SLC18A2: variants seen among roughly 807,000 people sequenced by gnomAD.
SLC18A2 encodes synaptic vesicular amine transporter.
SLC18A2 carries 33 observed loss-of-function variants against 59.2 expected under a neutral mutation model. The ratio of observed to expected loss-of-function variants is 0.56; its 90% confidence interval spans 0.42 to 0.75. The LOEUF is 0.75. Ranked by LOEUF, SLC18A2 falls within the 30% of genes least tolerant of loss-of-function variation. The pLI is 0.00. For synonymous variants in SLC18A2, 228 were observed against 253.5 expected, an observed-to-expected ratio of 0.90 and a Z score of 0.95; for missense variants, 569 against 668.6, an observed-to-expected ratio of 0.85 and a Z score of 1.64.
intron 9 of SLC18A2, among the ~76,000 whole-genome samples, chr10:117,256,650 G>A (rs777057138): frequency 6.6e-6 from 1 of 152,186 alleles, no homozygotes; most frequent in South Asian, 2.1e-4. Context: ...CCAAGACCCT[G>A]TCTATCATGC....
At chr10:117,267,452 G>A (rs1466043040) in intron 12 of SLC18A2, 6 of 455,510 alleles carry the variant, frequency 1.3e-5, no homozygotes, top group Admixed American at 3.4e-5. Context: ...CACATATGCC[G>A]GTGACAAGTT....
intron 9 of SLC18A2, among the ~76,000 whole-genome samples, chr10:117,255,871 T>C (rs1417340230): frequency 2.0e-5 from 3 of 152,140 alleles, no homozygotes; most frequent in African/African-American, 7.2e-5. Context: ...TTTGTCTCAT[T>C]TGGGGAAAAT....
At chr10:117,276,504 C>CT (rs1844492883) in intron 15 of SLC18A2, among the ~76,000 whole-genome samples, 1 of 146,894 alleles carries the variant, frequency 6.8e-6, no homozygotes, top group Admixed American at 7.0e-5. Context: ...ATATCAGCTA[C>CT]TTGGGAGGCT....
At chr10:117,243,874 C>T in intron 2 of SLC18A2, 97 bp from the exon 3 acceptor site, 1 of 980,514 alleles carries the variant, frequency 1.0e-6, no homozygotes, top group Non-Finnish European at 1.5e-6. Flanking sequence ...GTGTGAGCCA[C>T]TGCTCCCTGC....
At chr10:117,251,306 G>C (rs1844159713) in intron 3 of SLC18A2, among the ~76,000 whole-genome samples, 1 of 152,184 alleles carries the variant, frequency 6.6e-6, no homozygotes, top group Non-Finnish European at 1.5e-5. Flanking sequence ...TCTCCTCTCT[G>C]AGCCTCCTGG....
intron 10 of SLC18A2, among the ~76,000 whole-genome samples, chr10:117,265,636 A>G (rs928917590): frequency 6.6e-6 from 1 of 152,176 alleles, no homozygotes; most frequent in African/African-American, 2.4e-5. Flanking sequence ...GCTGATGTGG[A>G]CAATTCCCCT....
intron 10 of SLC18A2, among the ~76,000 whole-genome samples, chr10:117,259,280 T>C (rs1337490845): frequency 1.3e-5 from 2 of 152,254 alleles, no homozygotes; most frequent in African/African-American, 2.4e-5. Context: ...TGTTTATGAA[T>C]ATATCCACCA....
rs1344767828 is a variant in SLC18A2, at chr10:117,255,624, C to T, written c.862C>T (p.Leu288=). The part of the protein sequence containing the change: ...ESQKGTPLTT[L]LKDPYILIAA... ...TCAGAAGGGGACACCCCTAACCACG[C>T]TGCTGAAGGACCCGTACATCCTCAT... The change falls in exon 9 of 16, where the codon CTG becomes TTG. Residue 288 remains leucine (L), a synonymous_variant. Coordinates refer to ENST00000644641, the MANE Select transcript of SLC18A2 (RefSeq NM_003054.6). The T allele has an allele frequency of 6.2e-7, 1 of 1,613,984 alleles. No homozygotes were observed. Among genetic ancestry groups the T allele is most frequent in the Non-Finnish European group, 8.5e-7 (1 of 1,180,012 alleles).
At chr10:117,266,933 C>T (rs762522882) in intron 11 of SLC18A2, 51 bp from the exon 12 acceptor site, 11 of 1,590,574 alleles carry the variant, frequency 6.9e-6, no homozygotes, top group Middle Eastern at 1.7e-4. Context: ...AAAATTTGGA[C>T]TAGAAAAAAA....
In SLC18A2 at chr10:117,267,906, T is replaced by A. The variant is rs1465305407; in HGVS notation, c.1186+170T>A. On this transcript the variant is annotated intron_variant, in intron 13 of 15. Transcript: ENST00000644641. ...TGTCGATTCTCCGTGTAAAGACACCTGCTTCTATGCACTAGTCATTTATTT... is the reference window on the plus strand; with the variant it reads ...TGTCGATTCTCCGTGTAAAGACACCAGCTTCTATGCACTAGTCATTTATTT... 6.1e-6 allele frequency: 3 copies of A among 495,724 alleles called. No homozygotes were observed. In the Admixed American group the frequency reaches 8.9e-5, roughly 15 times the overall value. 30.7% of individuals were successfully genotyped at this position (495,724 alleles called of 1,614,324 possible). A position where few individuals can be genotyped will look rare whatever the true frequency, so the allele number is the denominator to read the frequency against.
At chr10:117,274,363 T>C (rs933755815) in intron 15 of SLC18A2, among the ~76,000 whole-genome samples, 3 of 152,196 alleles carry the variant, frequency 2.0e-5, no homozygotes, top group Non-Finnish European at 4.4e-5. Flanking sequence ...TGAACTGCTT[T>C]TCCTGCAGTG....
chr10:117,276,215 A>G (rs1844488675), intron 15 of SLC18A2, among the ~76,000 whole-genome samples: 1 of 152,114 alleles, frequency 6.6e-6, no homozygotes, highest in Admixed American at 6.6e-5. Flanking sequence ...AGATGGCTTG[A>G]GCCTGGGAAG....
At chr10:117,264,607 A>G (rs1844329058) in intron 10 of SLC18A2, among the ~76,000 whole-genome samples, 1 of 152,158 alleles carries the variant, frequency 6.6e-6, no homozygotes, top group Non-Finnish European at 1.5e-5. Context: ...CTGGGTCACC[A>G]CAGATCTCTC....
chr10:117,263,434 C>A (rs1011959175), intron 10 of SLC18A2, among the ~76,000 whole-genome samples: 2 of 152,198 alleles, frequency 1.3e-5, no homozygotes, highest in African/African-American at 4.8e-5. Flanking sequence ...GAAGTCAGGG[C>A]AAACAATCTT....
intron 3 of SLC18A2, among the ~76,000 whole-genome samples, chr10:117,252,488 C>T (rs1398227394): frequency 6.6e-6 from 1 of 152,122 alleles, no homozygotes; most frequent in African/African-American, 2.4e-5. Flanking sequence ...AAGAGCTCAG[C>T]CACTGTTGGC....
At chr10:117,268,906 A>G (rs1051632767) in intron 13 of SLC18A2, among the ~76,000 whole-genome samples, 2 of 149,472 alleles carry the variant, frequency 1.3e-5, no homozygotes, top group Non-Finnish European at 3.0e-5. Flanking sequence ...TGTTGTGTGT[A>G]TGTGTGTGAA....
intron 10 of SLC18A2, among the ~76,000 whole-genome samples, chr10:117,262,500 G>A (rs909099540): frequency 1.3e-5 from 2 of 151,916 alleles, no homozygotes; most frequent in East Asian, 1.9e-4. Context: ...GCTCATACCC[G>A]CTGCTGACAC....
chr10:117,255,706 G>A (rs768265148), intron 9 of SLC18A2, 49 bp downstream of exon 9: 23 of 1,556,056 alleles, frequency 1.5e-5, no homozygotes, highest in Admixed American at 6.8e-5. Flanking sequence ...GGTGATGGCC[G>A]CGTGCTGGAG....
At chr10:117,248,643 G>C (rs1489463123) in intron 3 of SLC18A2, among the ~76,000 whole-genome samples, 1 of 152,216 alleles carries the variant, frequency 6.6e-6, no homozygotes, top group Admixed American at 6.5e-5. Context: ...TTTGGTCTAA[G>C]AAGCAAATTT....
Sources: gnomAD v4.1 joint callset for allele counts (sites outside exome capture counted in the v4.1 genomes callset) on GRCh38, gnomAD v4.1.1 for gene constraint, MANE v1.5 for transcripts, NCBI Gene and HGNC (gene_info 2026-07-23, HGNC 2026-07-21) for gene names.